The following TRDN variants were observed in gnomAD, a reference collection of about 807,000 sequenced individuals.
TRDN encodes the protein triadin in skeletal muscle.
In TRDN, 161 loss-of-function variants were observed where a neutral mutation model predicts 149.7. That is an observed-to-expected ratio of 1.08 (90% CI 0.95 to 1.23). TRDN has a LOEUF of 1.23. Ranked by LOEUF, TRDN falls within the 50% of genes most tolerant of loss-of-function variation. The pLI, the probability that TRDN is intolerant of heterozygous loss-of-function variation, is 0.00. For missense variants in TRDN, 896 were observed against 823.5 expected (o/e 1.09, Z -1.08); for synonymous variants, 294 against 250.5 (o/e 1.17, Z -1.64).
At chr6:123,281,270 C>G (rs1240255671) in intron 24 of TRDN, among the ~76,000 whole-genome samples, 1 of 151,910 alleles carries the variant, frequency 6.6e-6, no homozygotes, top group East Asian at 1.9e-4. Flanking sequence ...AGGCTGAGAA[C>G]CTTTTGTTAA....
At chr6:123,591,516 G>A (rs892346652) in intron 1 of TRDN, among the ~76,000 whole-genome samples, 1 of 152,192 alleles carries the variant, frequency 6.6e-6, no homozygotes, top group African/African-American at 2.4e-5. Flanking sequence ...AAAGTGCTGG[G>A]ATTATAGGCA....
At chr6:123,577,550 G>T (rs144330224) in intron 1 of TRDN, among the ~76,000 whole-genome samples, 33 of 152,124 alleles carry the variant, frequency 2.2e-4, no homozygotes, top group African/African-American at 7.2e-4. Flanking sequence ...TCCGTCATTG[G>T]TGGGCATTTA....
At chr6:123,364,994 T>A (rs1298213160) in intron 20 of TRDN, among the ~76,000 whole-genome samples, 4 of 152,232 alleles carry the variant, frequency 2.6e-5, no homozygotes, top group African/African-American at 9.6e-5. Flanking sequence ...TAACTTCTGA[T>A]AAATGAATTA....
chr6:123,374,104 C>A (rs775723135), intron 19 of TRDN, among the ~76,000 whole-genome samples: 18 of 152,120 alleles, frequency 1.2e-4, no homozygotes, highest in Admixed American at 3.3e-4. Context: ...GTGCAAATCT[C>A]TCAACCATAT....
intron 1 of TRDN, among the ~76,000 whole-genome samples, chr6:123,606,072 G>T (rs1467049694): frequency 2.0e-5 from 3 of 151,984 alleles, no homozygotes; most frequent in East Asian, 1.9e-4. Context: ...TGTGAATAAA[G>T]AATTTGCTAA....
chr6:123,558,382 C>T (rs373135006), intron 2 of TRDN, among the ~76,000 whole-genome samples: 12 of 152,132 alleles, frequency 7.9e-5, no homozygotes, highest in South Asian at 2.1e-4. Context: ...TCCTCACACC[C>T]GGTCCGGCTT....
At chr6:123,559,656 T>C (rs1781872220) in intron 2 of TRDN, among the ~76,000 whole-genome samples, 2 of 152,172 alleles carry the variant, frequency 1.3e-5, no homozygotes. Context: ...TTAAAGCCTG[T>C]TATCTCTCGC....
At position 123,454,803 on chromosome 6, in the gene TRDN, G is replaced by A. The variant is rs141966758; in HGVS notation, c.931+10103C>T. On this transcript the variant is annotated intron_variant, in intron 10 of 40. Coordinates refer to ENST00000334268, the MANE Select transcript of TRDN (RefSeq NM_006073.4). ...TGCATGCTCCTTATGAGAATCTAAT[G>A]CCTGATGATCTGAAGTGGAACAGTT... 5.5e-3 allele frequency among the ~76,000 whole-genome samples: 840 copies of A among 152,284 alleles called. 9 individuals carry two copies. Among genetic ancestry groups the A allele is most frequent in the African/African-American group, 0.019 (808 of 41,554 alleles).
At chr6:123,488,958 A>G (rs917018855) in intron 9 of TRDN, 4 of 152,164 alleles carry the variant, frequency 2.6e-5, no homozygotes, top group Non-Finnish European at 4.4e-5. Context: ...TTAAGTTTGT[A>G]TTAGGATTAT....
intron 13 of TRDN, chr6:123,389,623 A>G (rs1430969644): frequency 6.6e-6 from 1 of 152,136 alleles, no homozygotes; most frequent in Non-Finnish European, 1.5e-5. Context: ...CAGGAAGAAA[A>G]TGTATTTTAA....
At chr6:123,318,991 T>C (rs543494904) in intron 23 of TRDN, among the ~76,000 whole-genome samples, 21 of 152,214 alleles carry the variant, frequency 1.4e-4, no homozygotes, top group Non-Finnish European at 2.8e-4. Context: ...TTTTGGTGTA[T>C]GAAGAGTCGG....
At chr6:123,479,333 T>G (rs527632995) in intron 9 of TRDN, among the ~76,000 whole-genome samples, 40 of 152,310 alleles carry the variant, frequency 2.6e-4, no homozygotes, top group African/African-American at 9.6e-4. Flanking sequence ...CATTTTTCCA[T>G]GATTAGTGGG....
At chr6:123,443,854 G>A (rs1053650441) in intron 10 of TRDN, among the ~76,000 whole-genome samples, 29 of 150,824 alleles carry the variant, frequency 1.9e-4, no homozygotes, top group African/African-American at 6.2e-4. Flanking sequence ...ATTTCTGAGG[G>A]CTCTGTTCTG....
intron 12 of TRDN, among the ~76,000 whole-genome samples, chr6:123,409,615 T>G (rs1247972202): frequency 6.6e-6 from 1 of 152,156 alleles, no homozygotes; most frequent in Non-Finnish European, 1.5e-5. Context: ...TAATTCTCCT[T>G]AATTTTGAAC....
intron 24 of TRDN, among the ~76,000 whole-genome samples, chr6:123,296,495 C>T (rs1000734074): frequency 3.9e-5 from 6 of 151,922 alleles, no homozygotes; most frequent in African/African-American, 9.7e-5. Context: ...CATTATGATT[C>T]GGAGACATGT....
intron 18 of TRDN, among the ~76,000 whole-genome samples, chr6:123,376,510 G>A (rs914508017): frequency 2.6e-5 from 4 of 152,014 alleles, no homozygotes; most frequent in Non-Finnish European, 5.9e-5. Flanking sequence ...CATTACAATA[G>A]GTGCTCTGGG....
At chr6:123,521,543 G>C (rs540911067) in intron 5 of TRDN, among the ~76,000 whole-genome samples, 1 of 152,022 alleles carries the variant, frequency 6.6e-6, no homozygotes, top group Non-Finnish European at 1.5e-5. Context: ...CAGATTCTTC[G>C]TCACAGCCCT....
chr6:123,539,886 C>T (rs984004781), intron 4 of TRDN, among the ~76,000 whole-genome samples: 13 of 152,202 alleles, frequency 8.5e-5, no homozygotes, highest in Non-Finnish European at 1.3e-4. Flanking sequence ...ATGGCTCTCA[C>T]TCTGATTGTG....
chr6:123,536,943 T>C (rs1780575814), intron 4 of TRDN, among the ~76,000 whole-genome samples: 1 of 151,894 alleles, frequency 6.6e-6, no homozygotes, highest in Non-Finnish European at 1.5e-5. Context: ...TGAAAGTTTT[T>C]TATATTTCAG....
Sources: gnomAD v4.1 joint callset for allele counts (sites outside exome capture counted in the v4.1 genomes callset) on GRCh38, gnomAD v4.1.1 for gene constraint, MANE v1.5 for transcripts, NCBI Gene and HGNC (gene_info 2026-07-23, HGNC 2026-07-21) for gene names.